The following RBL1 variants were observed in gnomAD, a reference collection of about 807,000 sequenced individuals.
The protein encoded by RBL1 is RB transcriptional corepressor like 1, also known as retinoblastoma-like protein 1.
RBL1 carries 82 observed loss-of-function variants against 123.0 expected under a neutral mutation model. The observed-to-expected ratio is 0.67, with a 90% confidence interval of 0.56 to 0.80. RBL1 has a LOEUF of 0.80. RBL1 is among the 30% of genes least tolerant of loss of function. RBL1 has a pLI of 0.00. For missense variants in RBL1, 1,171 were observed against 1,299.6 expected (o/e 0.90, Z 1.52); for synonymous variants, 405 against 441.3 (o/e 0.92, Z 1.03).
chr20:37,083,333 T>C (rs1421482190), intron 2 of RBL1, among the ~76,000 whole-genome samples: 1 of 151,390 alleles, frequency 6.6e-6, no homozygotes, highest in East Asian at 2.0e-4. Flanking sequence ...CTGAGCGTGA[T>C]GAAATGCACC....
At chr20:37,077,071 G>T (rs1479472152) in intron 2 of RBL1, among the ~76,000 whole-genome samples, 1 of 151,920 alleles carries the variant, frequency 6.6e-6, no homozygotes, top group Admixed American at 6.6e-5. Context: ...CGAATAGCTG[G>T]GACTACAGGC....
intron 1 of RBL1, among the ~76,000 whole-genome samples, chr20:37,095,097 T>C (rs2065710480): frequency 6.6e-6 from 1 of 152,186 alleles, no homozygotes; most frequent in South Asian, 2.1e-4. Context: ...TAATTATAAC[T>C]GACATTTGTT....
intron 1 of RBL1, among the ~76,000 whole-genome samples, chr20:37,091,485 T>C (rs908946825): frequency 2.6e-5 from 4 of 151,482 alleles, no homozygotes; most frequent in South Asian, 2.1e-4. Context: ...CTAGGAAACA[T>C]AGTGAGACCC....
chr20:37,020,769 G>A, intron 17 of RBL1, 39 bp from the exon 18 acceptor site: 2 of 1,386,018 alleles, frequency 1.4e-6, no homozygotes, highest in African/African-American at 1.5e-5. Flanking sequence ...ACTGCTTTTT[G>A]AAAGAAAAAT....
chr20:37,033,242 G>A (rs1337409440), intron 15 of RBL1, among the ~76,000 whole-genome samples: 1 of 150,614 alleles, frequency 6.6e-6, no homozygotes, highest in African/African-American at 2.4e-5. Flanking sequence ...CTGGAGTGCA[G>A]TGGCGTGATC....
intron 3 of RBL1, 39 bp from the exon 4 acceptor site, chr20:37,067,336 C>A (rs781382834): frequency 8.5e-6 from 12 of 1,416,314 alleles, no homozygotes; most frequent in Non-Finnish European, 1.2e-5. Flanking sequence ...CTGACTAGCT[C>A]GCTAAATATC....
At chr20:36,999,976 C>T (rs2063940049) in intron 21 of RBL1, among the ~76,000 whole-genome samples, 1 of 150,910 alleles carries the variant, frequency 6.6e-6, no homozygotes, top group Non-Finnish European at 1.5e-5. Context: ...TGAGGAGCCT[C>T]TCTGCCTGGC....
At chr20:37,005,620 T>A (rs1454582048) in intron 20 of RBL1, among the ~76,000 whole-genome samples, 2 of 152,168 alleles carry the variant, frequency 1.3e-5, no homozygotes, top group East Asian at 3.8e-4. Context: ...AAAAGATTTA[T>A]AAATAAGTTG....
At chr20:37,079,729 C>A (rs780013290) in intron 2 of RBL1, among the ~76,000 whole-genome samples, 2 of 152,012 alleles carry the variant, frequency 1.3e-5, no homozygotes, top group Non-Finnish European at 2.9e-5. Flanking sequence ...CCCAAGCGAT[C>A]CTCCCACCTC....
At chr20:37,005,406 CAAA>C (rs200205174) in intron 20 of RBL1, among the ~76,000 whole-genome samples, 2 of 104,718 alleles carry the variant, frequency 1.9e-5, no homozygotes. Flanking sequence ...GACTCCTTCT[CAAA>C]AAAAAAAAAA....
At chr20:37,067,942 G>A in intron 3 of RBL1, 44 bp downstream of exon 3, 1 of 1,577,922 alleles carries the variant, frequency 6.3e-7, no homozygotes, top group Non-Finnish European at 8.6e-7. Context: ...CTCTTAGTTT[G>A]TATCATAATC....
In RBL1 at chr20:37,007,570, G is replaced by T. The variant is rs183361684; in HGVS notation, c.2723-11C>A. 2.9e-5 allele frequency: 46 copies of T among 1,609,628 alleles called. No individual in the cohort carries two copies. In the Admixed American group the frequency reaches 7.8e-4, roughly 27 times the overall value. On this transcript the variant is annotated splice_polypyrimidine_tract_variant and intron_variant, in intron 19 of 21. Transcript: ENST00000373664. Reference sequence around the variant, plus strand: ...TAGCATCTTCTAAGTCTGTTAAAAAGAATGCAATGTTGTGATACAAAGCAT... The same window carrying T: ...TAGCATCTTCTAAGTCTGTTAAAAATAATGCAATGTTGTGATACAAAGCAT...
At chr20:37,016,992 G>T (rs1290614851) in intron 19 of RBL1, among the ~76,000 whole-genome samples, 1 of 151,630 alleles carries the variant, frequency 6.6e-6, no homozygotes. Context: ...GGAGAGGGGA[G>T]AGGAGAGAAG....
Position 37,089,126 on chromosome 20 carries a change from G to A in RBL1, c.157-4C>T. 6.3e-7 allele frequency: 1 copy of A among 1,590,652 alleles called. No individual in the cohort carries two copies. Among genetic ancestry groups the A allele is most frequent in the East Asian group, 2.3e-5 (1 of 43,804 alleles). On this transcript the variant is annotated splice_polypyrimidine_tract_variant and splice_region_variant and intron_variant, in intron 1 of 21. Coordinates refer to ENST00000373664, the MANE Select transcript of RBL1 (RefSeq NM_002895.5). The stretch of plus-strand genomic sequence containing the variant: ...CCAACCAGTGTGTAACTTCTCCCTG[G>A]CAAGCAAAAGACAAACAGCAAAACA...
intron 13 of RBL1, among the ~76,000 whole-genome samples, chr20:37,043,193 C>A (rs1015821943): frequency 6.8e-6 from 1 of 147,530 alleles, no homozygotes; most frequent in East Asian, 1.9e-4. Context: ...CACAATTAGC[C>A]GGGTGTGGCC....
intron 2 of RBL1, among the ~76,000 whole-genome samples, chr20:37,078,184 C>T (rs1169719852): frequency 1.3e-5 from 2 of 152,130 alleles, no homozygotes; most frequent in Admixed American, 1.3e-4. Flanking sequence ...CCATTAGTCC[C>T]ATTACTGATA....
chr20:37,025,777 C>T (rs1212850084), intron 16 of RBL1, among the ~76,000 whole-genome samples: 1 of 149,348 alleles, frequency 6.7e-6, no homozygotes, highest in Admixed American at 6.7e-5. Context: ...GAGTCTTGCT[C>T]TGTCACCCAG....
chr20:37,067,785 A>C (rs1401263904), intron 3 of RBL1, among the ~76,000 whole-genome samples: 1 of 151,224 alleles, frequency 6.6e-6, no homozygotes, highest in Non-Finnish European at 1.5e-5. Flanking sequence ...AAAAAAAAAA[A>C]AAAAAACAAC....
chr20:37,022,831 A>G lies in RBL1; in HGVS notation c.2383-5T>C. 2.5e-6 allele frequency: 4 copies of G among 1,600,210 alleles called. No homozygotes were observed. The highest frequency in any genetic ancestry group is 3.4e-6 in the Non-Finnish European group (4 of 1,171,672). ...TACACTTGCCAAATGATAGACCTAA[A>G]ATAGAAGGTAACACATTGATGCAAA... On this transcript the variant is annotated splice_polypyrimidine_tract_variant and splice_region_variant and intron_variant, in intron 16 of 21. Transcript: ENST00000373664.
Sources: gnomAD v4.1 joint callset for allele counts (sites outside exome capture counted in the v4.1 genomes callset) on GRCh38, gnomAD v4.1.1 for gene constraint, MANE v1.5 for transcripts, NCBI Gene and HGNC (gene_info 2026-07-23, HGNC 2026-07-21) for gene names.